The following MYO1F variants were observed in gnomAD, a reference collection of about 807,000 sequenced individuals.
MYO1F encodes the protein myosin IF.
In MYO1F, 60 loss-of-function variants were observed where a neutral mutation model predicts 146.6. The ratio of observed to expected loss-of-function variants is 0.41; its 90% CI spans 0.33 to 0.51. MYO1F has a LOEUF of 0.51. Among genes scored for constraint, MYO1F ranks in the 20% least tolerant of loss-of-function variants. MYO1F has a pLI of 0.25. For missense variants in MYO1F, 1,274 were observed against 1,534.3 expected (o/e 0.83, Z 2.83); for synonymous variants, 602 against 602.1 (o/e 1.00, Z 0.00).
chr19:8,577,375 G>A lies in MYO1F; in HGVS notation c.-66C>T, dbSNP rs782660784. The A allele has an allele frequency of 8.2e-6, 13 of 1,580,596 alleles. No homozygotes were observed. Among genetic ancestry groups the A allele is most frequent in the South Asian group, 6.7e-5 (6 of 89,888 alleles). ...GGGTCGTGATGGAGGTGCAGGTTCA[G>A]GGGGATCTTGGGGGTGGCTTGGGCA... On this transcript the variant is annotated 5_prime_UTR_variant, in exon 1 of 28. Coordinates refer to ENST00000644032, the MANE Select transcript of MYO1F (RefSeq NM_012335.4). This position sits in a 1 kb window ranked among gnomAD's most constrained non-coding sequence, Gnocchi z 4.3.
At chr19:8,549,576 G>C (rs1306731669) in intron 10 of MYO1F, 2 of 154,050 alleles carry the variant, frequency 1.3e-5, no homozygotes, top group South Asian at 2.0e-4. Flanking sequence ...ACAATAGCAC[G>C]ATCTCAGCTC....
At chr19:8,539,595 CA>C (rs57563221) in intron 16 of MYO1F, among the ~76,000 whole-genome samples, 9 of 143,610 alleles carry the variant, frequency 6.3e-5, no homozygotes, top group South Asian at 2.2e-4. Flanking sequence ...GACTCTGTCT[CA>C]AAAAAAAAAA....
chr19:8,525,585 T>G, intron 24 of MYO1F, 23 bp from the exon 25 acceptor site: 2 of 1,598,664 alleles, frequency 1.3e-6, no homozygotes, highest in Non-Finnish European at 1.7e-6. Context: ...TGTCAGGGAG[T>G]TGAATGACAG....
At chr19:8,545,294 G>A in intron 13 of MYO1F, 1 of 314,972 alleles carries the variant, frequency 3.2e-6, no homozygotes, top group Non-Finnish European at 6.2e-6. Flanking sequence ...TCACCATATT[G>A]GTCAGGCTGG....
At chr19:8,534,716 C>T (rs1295945068) in intron 19 of MYO1F, among the ~76,000 whole-genome samples, 3 of 151,830 alleles carry the variant, frequency 2.0e-5, no homozygotes, top group African/African-American at 7.3e-5. Context: ...ACCTCTGCCT[C>T]CTGGGTTTGA....
chr19:8,541,426 T>TTG (rs1568346117), intron 15 of MYO1F, among the ~76,000 whole-genome samples: 1 of 60,202 alleles, frequency 1.7e-5, no homozygotes, highest in African/African-American at 4.7e-5. Context: ...TGTGTGTGTG[T>TTG]TTTTTTTTTT....
chr19:8,540,665 G>A (rs1031029213), intron 15 of MYO1F, among the ~76,000 whole-genome samples: 1 of 150,724 alleles, frequency 6.6e-6, no homozygotes, highest in African/African-American at 2.5e-5. Flanking sequence ...AGCCGAGATC[G>A]TGCCACTGCA....
intron 10 of MYO1F, 130 bp downstream of exon 10, chr19:8,550,030 C>A (rs1973536356): frequency 6.6e-6 from 7 of 1,054,252 alleles, no homozygotes; most frequent in Non-Finnish European, 9.9e-6. Flanking sequence ...GAACTTCTGG[C>A]CTCAAAGAAT....
chr19:8,550,128 C>T (rs1474970541), intron 10 of MYO1F, 32 bp downstream of exon 10: 2 of 1,609,698 alleles, frequency 1.2e-6, no homozygotes, highest in Admixed American at 3.3e-5. Flanking sequence ...CCCAGAGCAT[C>T]CACTCTGCCT....
At chr19:8,553,111 T>C in intron 6 of MYO1F, 28 bp downstream of exon 6, 1 of 1,605,898 alleles carries the variant, frequency 6.2e-7, no homozygotes, top group South Asian at 1.1e-5. Context: ...AGGGAGCAGC[T>C]GCTCCAAGCA....
At position 8,541,985 on chromosome 19, in the gene MYO1F, A is replaced by G. The variant is rs1288229044; in HGVS notation, c.1531T>C (p.Tyr511His). 1 of 1,611,054 alleles carries G rather than the reference A, an allele frequency of 6.2e-7. No individual in the cohort carries two copies. The highest frequency in any genetic ancestry group is 8.5e-7 in the Non-Finnish European group (1 of 1,178,394). Residue 511 changes from tyrosine (Y) to histidine (H), a missense_variant, in exon 15 of 28, where the codon TAC becomes CAC. Around this residue, in one of 2 missense-constraint regions of MYO1F, gnomAD observed 900 missense variants for 1,155.1 expected, o/e 0.78. Coordinates refer to ENST00000644032, the MANE Select transcript of MYO1F (RefSeq NM_012335.4). ...CTCTCGCAGAAGCCGCTGACGTCGT[A>G]GGAGACCTGGAGGGGACAGTGCTGA... The part of the protein sequence containing the change: ...VIHHYAGKVS[Y>H]DVSGFCERNR...
intron 10 of MYO1F, chr19:8,549,949 C>T (rs1330495561): frequency 9.5e-6 from 6 of 631,268 alleles, no homozygotes; most frequent in African/African-American, 1.8e-5. Flanking sequence ...TACACATGCA[C>T]ACCACTACAC....
rs747752153 is a variant in MYO1F, at chr19:8,530,228, C to G, written c.2296G>C (p.Asp766His). The change falls in exon 21 of 28, where the codon GAT (aspartate) becomes CAT (histidine). Residue 766 changes from aspartate to histidine, a missense_variant. Physicochemically the swap from Asp to His is moderately conservative, Grantham distance 81 (BLOSUM62 -1). Around this residue, in one of 2 missense-constraint regions of MYO1F, gnomAD observed 900 missense variants for 1,155.1 expected, o/e 0.78. Transcript: ENST00000644032. The surrounding 1 kb of genome is among the most constrained non-coding windows in gnomAD (Gnocchi z 5.8). Reference sequence around the variant, plus strand: ...CGGCGGTCGTACTTGGTGACCGAATCGGCGAAGTCCACCCGCTCCCTCTTG... The same window carrying G: ...CGGCGGTCGTACTTGGTGACCGAATGGGCGAAGTCCACCCGCTCCCTCTTG... ...LGKRERVDFA[D>H]SVTKYDRRFK... 5 of 1,614,036 alleles carry G rather than the reference C, an allele frequency of 3.1e-6. No homozygotes were observed. The Admixed American group carries it at 8.3e-5, about 27-fold the overall frequency.
At chr19:8,544,528 C>T in intron 13 of MYO1F, 64 bp from the exon 14 acceptor site, 1 of 1,539,698 alleles carries the variant, frequency 6.5e-7, no homozygotes, top group Non-Finnish European at 8.7e-7. Flanking sequence ...CACAGCTCGT[C>T]AGTGCAGAGA....
At chr19:8,575,223 T>C (rs4804312) in intron 1 of MYO1F, among the ~76,000 whole-genome samples, 79,659 of 151,060 alleles carry the variant, frequency 0.53, 21,449 homozygotes, top group East Asian at 0.75. Flanking sequence ...ATGACAGGCA[T>C]GTGCCACCAC....
intron 19 of MYO1F, among the ~76,000 whole-genome samples, chr19:8,532,141 A>G (rs1367914127): frequency 6.6e-6 from 1 of 151,580 alleles, no homozygotes; most frequent in African/African-American, 2.4e-5. Flanking sequence ...AAAGAAAAGA[A>G]TGAAACTCCA....
At chr19:8,566,833 A>G (rs1160686787) in intron 1 of MYO1F, among the ~76,000 whole-genome samples, 1 of 151,446 alleles carries the variant, frequency 6.6e-6, no homozygotes, top group African/African-American at 2.4e-5. Context: ...TTTAATATAT[A>G]TATTAAATAA....
At chr19:8,563,633 C>G (rs778162186) in intron 1 of MYO1F, among the ~76,000 whole-genome samples, 1 of 151,812 alleles carries the variant, frequency 6.6e-6, no homozygotes, top group Admixed American at 6.6e-5. Flanking sequence ...CTCAGCCTCC[C>G]TAGTAGCTGG....
chr19:8,569,580 C>A (rs530746637), intron 1 of MYO1F, among the ~76,000 whole-genome samples: 1 of 152,092 alleles, frequency 6.6e-6, no homozygotes, highest in Non-Finnish European at 1.5e-5. Context: ...CTTAGGTGGA[C>A]CAGGCCCAGA....
Sources: gnomAD v4.1 joint callset for allele counts (sites outside exome capture counted in the v4.1 genomes callset) on GRCh38, gnomAD v4.1.1 for gene constraint, gnomAD v4.1.1 regional missense constraint, Gnocchi (gnomAD v3.1) non-coding constraint, MANE v1.5 for transcripts, NCBI Gene and HGNC (gene_info 2026-07-23, HGNC 2026-07-21) for gene names.